The following CDH4 variants were observed in gnomAD, a reference collection of about 807,000 sequenced individuals.
CDH4 encodes cadherin 4.
Under a neutral mutation model 86.0 loss-of-function variants are expected in CDH4, and 33 were observed. The ratio of observed to expected loss-of-function variants is 0.38; its 90% CI spans 0.29 to 0.51. The LOEUF (loss-of-function observed/expected upper bound fraction) is 0.51, where lower values mean the gene tolerates loss of function less well. CDH4 is among the 20% of genes least tolerant of loss of function. The probability of loss-of-function intolerance (pLI) is 0.86; values close to 1 mark genes in which losing one functional copy is unlikely to be tolerated. For synonymous variants in CDH4, 555 were observed against 549.4 expected (o/e 1.01, Z -0.14); for missense variants, 1,114 against 1,307.4 (o/e 0.85, Z 2.28).
intron 4 of CDH4, among the ~76,000 whole-genome samples, chr20:61,832,654 G>A (rs147446865): frequency 6.6e-6 from 1 of 152,260 alleles, no homozygotes; most frequent in Non-Finnish European, 1.5e-5. Flanking sequence ...GATCTCGTGA[G>A]ACTCACTCAC....
At chr20:61,658,486 G>A (rs1478547786) in intron 2 of CDH4, among the ~76,000 whole-genome samples, 2 of 152,202 alleles carry the variant, frequency 1.3e-5, no homozygotes, top group African/African-American at 2.4e-5. Flanking sequence ...TATAGGCTCC[G>A]GGTGGGATGA....
chr20:61,825,370 C>T (rs994028524), intron 4 of CDH4, among the ~76,000 whole-genome samples: 1 of 152,082 alleles, frequency 6.6e-6, no homozygotes, highest in Non-Finnish European at 1.5e-5. Context: ...ACAGTGCACT[C>T]CAGCCTGGGC....
At chr20:61,292,642 G>A (rs1251999424) in intron 2 of CDH4, among the ~76,000 whole-genome samples, 2 of 152,260 alleles carry the variant, frequency 1.3e-5, no homozygotes, top group East Asian at 3.9e-4. Flanking sequence ...GCTGCCAACA[G>A]CACTGAGCCT....
chr20:61,299,134 G>A (rs1197069802), intron 2 of CDH4, among the ~76,000 whole-genome samples: 13 of 152,162 alleles, frequency 8.5e-5, no homozygotes, highest in Non-Finnish European at 1.5e-4. Flanking sequence ...GATCAGGGTG[G>A]GCCCTAAATC....
At chr20:61,745,807 C>T (rs532186739) in intron 3 of CDH4, among the ~76,000 whole-genome samples, 43 of 152,260 alleles carry the variant, frequency 2.8e-4, no homozygotes, top group East Asian at 2.3e-3. Context: ...GATTGTGAGC[C>T]GAGAGCAGAG....
intron 9 of CDH4, among the ~76,000 whole-genome samples, chr20:61,920,837 G>A (rs1447381618): frequency 8.6e-4 from 11 of 12,742 alleles, no homozygotes; most frequent in Non-Finnish European, 4.3e-3. Context: ...TGGAAACGTG[G>A]TGTGATTGCA....
chr20:61,779,189 A>C (rs16985579), intron 4 of CDH4, among the ~76,000 whole-genome samples: 1,694 of 152,318 alleles, frequency 0.011, 32 homozygotes, highest in African/African-American at 0.038. Flanking sequence ...CCAATGCACA[A>C]TATGTTCCCT....
chr20:61,828,038 T>C (rs1174431559), intron 4 of CDH4, among the ~76,000 whole-genome samples: 1 of 152,236 alleles, frequency 6.6e-6, no homozygotes, highest in African/African-American at 2.4e-5. Flanking sequence ...CATTTCTATA[T>C]GCCCACTGCC....
At chr20:61,360,316 C>T (rs1363454435) in intron 2 of CDH4, among the ~76,000 whole-genome samples, 1 of 152,128 alleles carries the variant, frequency 6.6e-6, no homozygotes, top group South Asian at 2.1e-4. Context: ...TGGGAGAGAC[C>T]CAAGAAGTAG....
chr20:61,862,320 C>T (rs1037812161), intron 6 of CDH4, among the ~76,000 whole-genome samples: 2 of 152,188 alleles, frequency 1.3e-5, no homozygotes, highest in Admixed American at 6.5e-5. Flanking sequence ...AGCCTGACCC[C>T]GGGGGCAGCT....
At chr20:61,890,287 A>C (rs1054088533) in intron 7 of CDH4, among the ~76,000 whole-genome samples, 2 of 149,880 alleles carry the variant, frequency 1.3e-5, no homozygotes, top group African/African-American at 4.9e-5. Context: ...TAGATGGTGG[A>C]TGATAGAAGG....
At chr20:61,876,429 A>T (rs917122654) in intron 7 of CDH4, among the ~76,000 whole-genome samples, 1 of 152,216 alleles carries the variant, frequency 6.6e-6, no homozygotes, top group African/African-American at 2.4e-5. Context: ...GCAACGTCCA[A>T]TTGGAGAGGC....
At chr20:61,923,302 C>A in intron 9 of CDH4, 149 bp from the exon 10 acceptor site, 1 of 786,702 alleles carries the variant, frequency 1.3e-6, no homozygotes, top group Non-Finnish European at 2.1e-6. Flanking sequence ...GAGATGGGAC[C>A]CTTTGGGGCC....
chr20:61,661,893 C>T (rs1197295994), intron 2 of CDH4, among the ~76,000 whole-genome samples: 1 of 152,126 alleles, frequency 6.6e-6, no homozygotes, highest in Non-Finnish European at 1.5e-5. Flanking sequence ...TGATATTGTG[C>T]CGCGGTCCTG....
intron 2 of CDH4, among the ~76,000 whole-genome samples, chr20:61,633,467 A>G (rs1600824645): frequency 6.6e-6 from 1 of 151,466 alleles, no homozygotes; most frequent in Non-Finnish European, 1.5e-5. Context: ...CAGTTTATTC[A>G]CCCATTCATC....
intron 2 of CDH4, among the ~76,000 whole-genome samples, chr20:61,495,902 CAAAAAAA>C (rs72458954): frequency 6.8e-5 from 4 of 58,422 alleles, no homozygotes; most frequent in South Asian, 1.4e-3. Context: ...GACTCCATCT[CAAAAAAA>C]AAAAAAAAAA....
intron 2 of CDH4, among the ~76,000 whole-genome samples, chr20:61,355,533 C>T (rs1400615739): frequency 6.6e-6 from 1 of 152,246 alleles, no homozygotes; most frequent in Non-Finnish European, 1.5e-5. Flanking sequence ...CCATCCCAAG[C>T]TCCCGCACAG....
chr20:61,333,087 GTTGGTGGCAGACTTCCTTGGCCTT>G (rs1263536186), intron 2 of CDH4, among the ~76,000 whole-genome samples: 3 of 152,210 alleles, frequency 2.0e-5, no homozygotes, highest in African/African-American at 2.4e-5. Context: ...CTTACCTGGG[GTTGGTGGCAGACTTCCTTGGCCTT>G]TTGAGAGCAG....
chr20:61,335,209 AG>A (rs1477105321), intron 2 of CDH4, among the ~76,000 whole-genome samples: 1 of 152,224 alleles, frequency 6.6e-6, no homozygotes, highest in African/African-American at 2.4e-5. Flanking sequence ...ATGAATGTGC[AG>A]GGGCCAAGCC....
Sources: allele counts gnomAD v4.1 joint callset (sites outside exome capture counted in the v4.1 genomes callset), GRCh38; gene constraint gnomAD v4.1.1; transcripts MANE v1.5; gene names NCBI Gene and HGNC (gene_info 2026-07-23, HGNC 2026-07-21).